The following NHSL1 variants were observed in gnomAD, a reference collection of about 807,000 sequenced individuals.
NHSL1 encodes the protein NHS-like protein 1.
In NHSL1, 48 loss-of-function variants were observed where a neutral mutation model predicts 95.0. The ratio of observed to expected loss-of-function variants is 0.51; its 90% CI spans 0.40 to 0.64. The LOEUF (loss-of-function observed/expected upper bound fraction) is 0.64, where lower values mean the gene tolerates loss of function less well. Ranked by LOEUF, NHSL1 falls within the 30% of genes least tolerant of loss-of-function variation. The probability of loss-of-function intolerance (pLI) is 0.00; values close to 1 mark genes in which losing one functional copy is unlikely to be tolerated. For synonymous variants in NHSL1, 783 were observed against 833.9 expected (o/e 0.94, Z 1.05); for missense variants, 1,971 against 2,077.7 (o/e 0.95, Z 1.00).
At position 138,442,633 on chromosome 6, in the gene NHSL1, G is replaced by A. The variant is rs142374572; in HGVS notation, c.533-519C>T. 6.5e-4 allele frequency among the ~76,000 whole-genome samples: 99 copies of A among 152,238 alleles called. 1 individual carries two copies. Among genetic ancestry groups the A allele is most frequent in the African/African-American group, 2.2e-3 (91 of 41,550 alleles). Reference sequence around the variant, plus strand: ...GAGGCTGACAATTTGGATAGACTGTGGTAATTGTTGTGGTGTGACATACAA... The same window carrying A: ...GAGGCTGACAATTTGGATAGACTGTAGTAATTGTTGTGGTGTGACATACAA... On this transcript the variant is annotated intron_variant, in intron 4 of 7. Transcript: ENST00000343505.
intron 1 of NHSL1, among the ~76,000 whole-genome samples, chr6:138,686,826 A>C (rs1785590621): frequency 6.6e-6 from 1 of 152,232 alleles, no homozygotes; most frequent in Admixed American, 6.5e-5. Context: ...ATTGTTAAAC[A>C]TACTGGAGAC....
At chr6:138,481,772 A>G (rs1227451631) in intron 2 of NHSL1, among the ~76,000 whole-genome samples, 1 of 152,220 alleles carries the variant, frequency 6.6e-6, no homozygotes, top group Non-Finnish European at 1.5e-5. Flanking sequence ...GAATATGTAT[A>G]ACAGCATAAA....
intron 1 of NHSL1, among the ~76,000 whole-genome samples, chr6:138,678,644 TTCA>T (rs1425151126): frequency 6.6e-6 from 1 of 152,256 alleles, no homozygotes; most frequent in Non-Finnish European, 1.5e-5. Flanking sequence ...TATACCATAC[TTCA>T]TCATTTCATC....
chr6:138,547,366 T>C (rs1447304021), upstream of NHSL1, among the ~76,000 whole-genome samples: 1 of 150,288 alleles, frequency 6.7e-6, no homozygotes, highest in Non-Finnish European at 1.5e-5. Flanking sequence ...TGATGAACAG[T>C]GATATTAACG....
At chr6:138,437,327 C>CATAT (rs1337221005) in intron 5 of NHSL1, among the ~76,000 whole-genome samples, 34 of 92,892 alleles carry the variant, frequency 3.7e-4, no homozygotes, top group African/African-American at 1.7e-3. Context: ...TATACACACA[C>CATAT]ACATATATAT....
intron 1 of NHSL1, among the ~76,000 whole-genome samples, chr6:138,669,758 T>C (rs533893429): frequency 7.2e-5 from 11 of 152,286 alleles, no homozygotes; most frequent in Non-Finnish European, 1.0e-4. Flanking sequence ...CAGTTGGGCC[T>C]TACCAGCCAG....
In NHSL1 at chr6:138,442,055, C is replaced by T. The variant is rs1251045351; in HGVS notation, c.592G>A (p.Val198Ile). The T allele has an allele frequency of 6.4e-7, 1 of 1,551,254 alleles. No homozygotes were observed. Among genetic ancestry groups the T allele is most frequent in the Admixed American group, 2.0e-5 (1 of 50,952 alleles). Residue 198 changes from valine to isoleucine, a missense_variant, in exon 5 of 8, where the codon GTA (valine) becomes ATA (isoleucine). Physicochemically the swap from Val to Ile is conservative, Grantham distance 29. This residue lies in a region of NHSL1 where 1,602 missense variants were observed against 1,654.5 expected (regional missense o/e 0.97). Transcript: ENST00000343505. ...RRSLIYTDTL[V>I]RRPKKVKRRK... ...CTTTTGACTTTCTTCGGTCGTCTTA[C>T]CAGAGTGTCTGTGTAAATTAGAGAC...
intron 1 of NHSL1, among the ~76,000 whole-genome samples, chr6:138,676,623 T>C (rs1402368393): frequency 6.6e-6 from 1 of 152,186 alleles, no homozygotes; most frequent in Non-Finnish European, 1.5e-5. Flanking sequence ...ATCTCTTACA[T>C]GCCATGTTCT....
At chr6:138,562,192 C>T (rs983651676) in intron 1 of NHSL1, among the ~76,000 whole-genome samples, 1 of 152,106 alleles carries the variant, frequency 6.6e-6, no homozygotes, top group Non-Finnish European at 1.5e-5. Context: ...ACAGTGATTG[C>T]CATAAATATA....
At chr6:138,664,671 T>C (rs963811003) in intron 1 of NHSL1, among the ~76,000 whole-genome samples, 2 of 152,224 alleles carry the variant, frequency 1.3e-5, no homozygotes, top group African/African-American at 2.4e-5. Context: ...CAGAAAGATA[T>C]AGGCAAACAT....
chr6:138,683,146 T>C (rs1785535346), intron 1 of NHSL1, among the ~76,000 whole-genome samples: 2 of 152,164 alleles, frequency 1.3e-5, no homozygotes, highest in Admixed American at 1.3e-4. Flanking sequence ...GAAACAGGCC[T>C]GGCTTCCCCG....
At position 138,487,350 on chromosome 6, in the gene NHSL1, T is replaced by C. The variant is rs569667603; in HGVS notation, c.211+8869A>G. ...TTGAGGCTTAATAATACCACCGCTA[T>C]GAACCTTGCACATAAGCTAGTCATA... On this transcript the variant is annotated intron_variant, in intron 2 of 7. Coordinates refer to ENST00000343505, the MANE Select transcript of NHSL1 (RefSeq NM_001144060.2). Among the ~76,000 whole-genome samples, 4 of 152,342 alleles carry C rather than the reference T, an allele frequency of 2.6e-5. No individual in the cohort carries two copies. In the South Asian group the frequency reaches 8.3e-4, roughly 32 times the overall value.
At chr6:138,685,812 G>A (rs1785578211) in intron 1 of NHSL1, among the ~76,000 whole-genome samples, 1 of 151,752 alleles carries the variant, frequency 6.6e-6, no homozygotes, top group Non-Finnish European at 1.5e-5. Flanking sequence ...TATCAAAGTT[G>A]TACTTACAAA....
In NHSL1 at chr6:138,422,903, C is replaced by T. The variant is rs886086898; in HGVS notation, c.*1178G>A. 13 of 151,912 alleles carry T rather than the reference C, an allele frequency of 8.6e-5. No homozygotes were observed. The highest frequency in any genetic ancestry group is 1.3e-4 in the Admixed American group (2 of 15,260). The allele number at this position is 151,912 out of a possible 1,614,324, so 9.4% of individuals were successfully genotyped here. On this transcript the variant is annotated 3_prime_UTR_variant, in exon 8 of 8. Transcript: ENST00000343505. ...ACTAACAAGAGCTATTCAGCATTTT[C>T]TTCAAAGTAAGATAATATATAATAG...
At chr6:138,558,689 G>A (rs958560405) in intron 1 of NHSL1, among the ~76,000 whole-genome samples, 1 of 152,140 alleles carries the variant, frequency 6.6e-6, no homozygotes, top group Non-Finnish European at 1.5e-5. Flanking sequence ...AAAGTGCTGG[G>A]ATTACAGGCA....
chr6:138,484,115 C>T (rs1307896733), intron 2 of NHSL1, among the ~76,000 whole-genome samples: 13 of 152,094 alleles, frequency 8.5e-5, no homozygotes, highest in Non-Finnish European at 1.5e-5. Context: ...GTTATCTATC[C>T]AAGGAAATTT....
At chr6:138,476,957 TAAAAAAAA>T (rs58311101) in intron 2 of NHSL1, among the ~76,000 whole-genome samples, 2 of 100,514 alleles carry the variant, frequency 2.0e-5, no homozygotes, top group African/African-American at 3.8e-5. Flanking sequence ...TCCCTGAATC[TAAAAAAAA>T]AAAAAAAAAA....
At chr6:138,658,213 T>C (rs1240368950) in intron 1 of NHSL1, among the ~76,000 whole-genome samples, 1 of 152,206 alleles carries the variant, frequency 6.6e-6, no homozygotes, top group East Asian at 1.9e-4. Flanking sequence ...CACGATTTGA[T>C]ATACATTCTG....
chr6:138,551,182 A>G (rs1394788796), intron 1 of NHSL1, among the ~76,000 whole-genome samples: 1 of 152,208 alleles, frequency 6.6e-6, no homozygotes, highest in African/African-American at 2.4e-5. Flanking sequence ...TGGATGTATA[A>G]GAAAAATATA....
Sources: gnomAD v4.1 joint callset for allele counts (sites outside exome capture counted in the v4.1 genomes callset) on GRCh38, gnomAD v4.1.1 for gene constraint, gnomAD v4.1.1 regional missense constraint, MANE v1.5 for transcripts, NCBI Gene and HGNC (gene_info 2026-07-23, HGNC 2026-07-21) for gene names.